The following PSG11 variants were observed in gnomAD, a reference collection of about 807,000 sequenced individuals.
The protein encoded by PSG11 is pregnancy specific beta-1-glycoprotein 11, also known as pregnancy-specific beta-1-glycoprotein 11.
In PSG11, 42 loss-of-function variants were observed where a neutral mutation model predicts 36.0. The ratio of observed to expected loss-of-function variants is 1.17; its 90% CI spans 0.91 to 1.51. The LOEUF (loss-of-function observed/expected upper bound fraction) is 1.51, where lower values mean the gene tolerates loss of function less well. Ranked by LOEUF, PSG11 falls within the 40% of genes most tolerant of loss-of-function variation. PSG11 has a pLI of 0.00. For missense variants in PSG11, 558 were observed against 403.5 expected, an observed-to-expected ratio of 1.38 and a Z score of -3.28; for synonymous variants, 206 against 153.5, an observed-to-expected ratio of 1.34 and a Z score of -2.53.
chr19:43,015,728 T>G lies in PSG11; in HGVS notation c.710-358A>C, dbSNP rs368080269. On this transcript the variant is annotated intron_variant, in intron 3 of 5. Transcript: ENST00000320078. ...AGGCCTGGCCCCTGGTCGTTTGGATTTAAGCTGGTGTCCTGGCCCACAGAG... is the reference window on the plus strand; with the variant it reads ...AGGCCTGGCCCCTGGTCGTTTGGATGTAAGCTGGTGTCCTGGCCCACAGAG... 49 of 1,605,496 alleles carry G rather than the reference T, an allele frequency of 3.1e-5. 1 individual carries two copies. In the African/African-American group the frequency reaches 3.8e-4, roughly 12 times the overall value.
chr19:43,015,594 A>G (rs1411286126), intron 3 of PSG11, among the ~76,000 whole-genome samples: 1 of 151,262 alleles, frequency 6.6e-6, no homozygotes, highest in African/African-American at 2.4e-5. Context: ...CTCTCCTTAT[A>G]TTCTTGGTTA....
At chr19:43,023,188 A>T (rs1568492576) in intron 2 of PSG11, among the ~76,000 whole-genome samples, 1 of 150,222 alleles carries the variant, frequency 6.7e-6, no homozygotes, top group Non-Finnish European at 1.5e-5. Flanking sequence ...TAGTGGGGGG[A>T]TGAAACATGG....
intron 2 of PSG11, chr19:43,024,423 G>A: frequency 3.5e-6 from 2 of 569,502 alleles, no homozygotes; most frequent in Non-Finnish European, 6.2e-6. Context: ...TGAGGTGCTT[G>A]GCTGAGACTG....
chr19:43,023,718 G>C (rs1365514003), intron 2 of PSG11, among the ~76,000 whole-genome samples: 3 of 151,142 alleles, frequency 2.0e-5, no homozygotes, highest in Non-Finnish European at 4.4e-5. Flanking sequence ...ATGTGACCCT[G>C]ATCTCCCCTT....
At chr19:43,023,390 A>AACAAGGTCCTCTCC (rs1967151987) in intron 2 of PSG11, among the ~76,000 whole-genome samples, 1 of 150,664 alleles carries the variant, frequency 6.6e-6, no homozygotes, top group South Asian at 2.1e-4. Context: ...GGGGAAAGAA[A>AACAAGGTCCTCTCC]ACAAGGTCCT....
At position 43,024,671 on chromosome 19, in the gene PSG11, G is replaced by T; in HGVS notation, c.430+20C>A. 6.2e-7 allele frequency: 1 copy of T among 1,609,606 alleles called. No homozygotes were observed. The stretch of plus-strand genomic sequence containing the variant: ...TGACCCCTGTCCCCCAACACCCAGG[G>T]ATCATGTGGAATCACTTACGGTATA... On this transcript the variant is annotated intron_variant, in intron 2 of 5. Coordinates refer to ENST00000320078, the MANE Select transcript of PSG11 (RefSeq NM_002785.3).
chr19:43,011,533 A>G (rs1398073044), intron 4 of PSG11, among the ~76,000 whole-genome samples: 2 of 151,358 alleles, frequency 1.3e-5, no homozygotes, highest in East Asian at 3.9e-4. Context: ...AACAAAATTG[A>G]CAACCATTAA....
In PSG11 at chr19:43,010,080, T is replaced by C. The variant is rs141986045; in HGVS notation, c.965-39A>G. The C allele has an allele frequency of 1.7e-4, 275 of 1,591,808 alleles. 9 individuals are homozygous for C. In the African/African-American group the frequency reaches 3.0e-3, roughly 17 times the overall value. On this transcript the variant is annotated intron_variant, in intron 4 of 5. Coordinates refer to ENST00000320078, the MANE Select transcript of PSG11 (RefSeq NM_002785.3). Reference sequence around the variant, plus strand: ...AAAAGAAAAGAAGGAATGAAGGTGATGTTATTTTACATGGGGGAGCGTCAG... The same window carrying C: ...AAAAGAAAAGAAGGAATGAAGGTGACGTTATTTTACATGGGGGAGCGTCAG...
intron 4 of PSG11, among the ~76,000 whole-genome samples, chr19:43,011,933 G>A (rs1296887191): frequency 6.0e-5 from 9 of 148,842 alleles, no homozygotes; most frequent in South Asian, 2.2e-4. Context: ...AAAATGAAGC[G>A]ATTACTACCA....
Position 43,007,928 on chromosome 19 carries a change from G to T in PSG11, c.*155C>A. 2.5e-6 allele frequency: 1 copy of T among 395,574 alleles called. No individual in the cohort carries two copies. Among genetic ancestry groups the T allele is most frequent in the Non-Finnish European group, 4.7e-6 (1 of 212,996 alleles). The allele number at this position is 395,574 out of a possible 1,614,324, so 24.5% of individuals were successfully genotyped here. Reference sequence around the variant, plus strand: ...TTTTCTTCTTTGTCTTGAATTTCATGAAGGTATCAGCCTGTTCATCAAAAT... The same window carrying T: ...TTTTCTTCTTTGTCTTGAATTTCATTAAGGTATCAGCCTGTTCATCAAAAT... On this transcript the variant is annotated 3_prime_UTR_variant, in exon 6 of 6. Transcript: ENST00000320078.
intron 4 of PSG11, among the ~76,000 whole-genome samples, chr19:43,012,574 A>ATAAGTT (rs59205677): frequency 0.52 from 78,547 of 150,508 alleles, 22,005 homozygotes; most frequent in East Asian, 0.89. Flanking sequence ...ATATTTAAGA[A>ATAAGTT]TAACCAAAGA....
chr19:43,025,087 T>A, intron 1 of PSG11, 31 bp from the exon 2 acceptor site: 1 of 1,595,630 alleles, frequency 6.3e-7, no homozygotes, highest in Non-Finnish European at 8.5e-7. Context: ...CAGTCAATAT[T>A]GAGACCTATG....
intron 2 of PSG11, among the ~76,000 whole-genome samples, chr19:43,023,411 C>T (rs149915844): frequency 0.059 from 8,959 of 150,784 alleles, 494 homozygotes; most frequent in South Asian, 0.11. Context: ...CTCCTTGATC[C>T]TCTCATGACA....
At chr19:43,015,993 A>T (rs753285292) in intron 3 of PSG11, 1 of 1,610,128 alleles carries the variant, frequency 6.2e-7, no homozygotes, top group Non-Finnish European at 8.5e-7. Context: ...AGACATCCTT[A>T]TTCTCCCTGG....
chr19:43,018,514 C>G, intron 3 of PSG11: 1 of 849,282 alleles, frequency 1.2e-6, no homozygotes, highest in African/African-American at 1.7e-5. Flanking sequence ...TGATCTGGAG[C>G]CTGAGACATT....
intron 2 of PSG11, among the ~76,000 whole-genome samples, chr19:43,022,586 C>A (rs1967127879): frequency 6.6e-6 from 1 of 151,472 alleles, no homozygotes; most frequent in South Asian, 2.1e-4. Context: ...CTAAAAATCA[C>A]CATTTCAATA....
At position 43,008,583 on chromosome 19, in the gene PSG11, C is replaced by T. The variant is rs367954348; in HGVS notation, c.*41-541G>A. On this transcript the variant is annotated intron_variant, in intron 5 of 5. Coordinates refer to ENST00000320078, the MANE Select transcript of PSG11 (RefSeq NM_002785.3). The stretch of plus-strand genomic sequence containing the variant: ...GAGCCATCGCACCCAGCCTAGAATA[C>T]TCATATTATTAACATTCCCATAAAT... Among the ~76,000 whole-genome samples the T allele has an allele frequency of 2.6e-5, 4 of 151,292 alleles. 1 individual carries two copies. Among genetic ancestry groups the T allele is most frequent in the African/African-American group, 2.4e-5 (1 of 41,082 alleles).
chr19:43,010,301 G>A, intron 4 of PSG11: 1 of 1,494,080 alleles, frequency 6.7e-7, no homozygotes, highest in East Asian at 2.4e-5. Flanking sequence ...CGTGAGAAAG[G>A]CTGATTGCTA....
At chr19:43,008,551 C>T (rs1482118604) in intron 5 of PSG11, among the ~76,000 whole-genome samples, 1 of 151,328 alleles carries the variant, frequency 6.6e-6, no homozygotes, top group African/African-American at 2.4e-5. Flanking sequence ...GCTGGGATTA[C>T]AGGCATGAGC....
Sources: gnomAD v4.1 joint callset for allele counts (sites outside exome capture counted in the v4.1 genomes callset) on GRCh38, gnomAD v4.1.1 for gene constraint, MANE v1.5 for transcripts, NCBI Gene and HGNC (gene_info 2026-07-23, HGNC 2026-07-21) for gene names.